CCDC13: variants seen among roughly 807,000 people sequenced by gnomAD.
CCDC13 encodes coiled-coil domain-containing protein 13.
Under a neutral mutation model 87.3 loss-of-function variants are expected in CCDC13, and 70 were observed. The ratio of observed to expected loss-of-function variants is 0.80; its 90% CI spans 0.66 to 0.98. CCDC13 has a LOEUF of 0.98. Ranked by LOEUF, CCDC13 falls within the 50% of genes least tolerant of loss-of-function variation. CCDC13 has a pLI of 0.00. For synonymous variants in CCDC13, 317 were observed against 360.3 expected, an observed-to-expected ratio of 0.88 and a Z score of 1.36; for missense variants, 842 against 892.0, an observed-to-expected ratio of 0.94 and a Z score of 0.71.
intron 1 of CCDC13, among the ~76,000 whole-genome samples, chr3:42,771,591 CA>C (rs1700110037): frequency 1.3e-5 from 2 of 151,996 alleles, no homozygotes; most frequent in Non-Finnish European, 2.9e-5. Context: ...CATAGCTTTA[CA>C]AAAAATAAAA....
At chr3:42,710,664 C>G (rs1042937781) in intron 14 of CCDC13, among the ~76,000 whole-genome samples, 7 of 152,140 alleles carry the variant, frequency 4.6e-5, no homozygotes, top group African/African-American at 1.4e-4. Context: ...GAAACCCTGT[C>G]TCTACTAAAA....
intron 7 of CCDC13, 77 bp from the exon 8 acceptor site, chr3:42,743,134 C>T (rs558997899): frequency 6.5e-7 from 1 of 1,543,870 alleles, no homozygotes; most frequent in Non-Finnish European, 8.8e-7. Context: ...ATAGGAGACC[C>T]CACAGACTGA....
chr3:42,743,689 G>A (rs1278459834), intron 7 of CCDC13, among the ~76,000 whole-genome samples: 4 of 148,592 alleles, frequency 2.7e-5, no homozygotes, highest in Non-Finnish European at 4.4e-5. Context: ...TGGTAGAGAC[G>A]GGGTTTCACC....
Position 42,733,584 on chromosome 3 carries a change from T to G in CCDC13, c.1397A>C (p.Glu466Ala), listed in dbSNP as rs1304941812. ...VHYLRNKGVGEGSSGREVSPA... is the reference protein window; with the variant it reads ...VHYLRNKGVGAGSSGREVSPA... Reference sequence around the variant, plus strand: ...GCTGACCTCGCGGCCACTGGACCCCTCACCCACTCCTTTATTCCGAAGATA... The same window carrying G: ...GCTGACCTCGCGGCCACTGGACCCCGCACCCACTCCTTTATTCCGAAGATA... The change falls in exon 11 of 16, where the codon GAG becomes GCG. Residue 466 changes from glutamate to alanine, a missense_variant. Transcript: ENST00000310232. 6.2e-7 allele frequency: 1 copy of G among 1,611,548 alleles called. No individual in the cohort carries two copies. The highest frequency in any genetic ancestry group is 2.2e-5 in the East Asian group (1 of 44,810).
chr3:42,716,561 C>T (rs1320207012), intron 13 of CCDC13, among the ~76,000 whole-genome samples: 1 of 152,096 alleles, frequency 6.6e-6, no homozygotes, highest in Non-Finnish European at 1.5e-5. Context: ...AGAAAATATA[C>T]AAATGTCCAA....
At chr3:42,735,217 C>T (rs544399681) in intron 10 of CCDC13, among the ~76,000 whole-genome samples, 18 of 152,236 alleles carry the variant, frequency 1.2e-4, no homozygotes, top group African/African-American at 3.4e-4. Flanking sequence ...TCACGCTGCG[C>T]GTAGCCCTGG....
Position 42,709,040 on chromosome 3 carries a change from C to A in CCDC13, c.2088G>T (p.Leu696=). 6.2e-7 allele frequency: 1 copy of A among 1,614,122 alleles called. No individual in the cohort carries two copies. Among genetic ancestry groups the A allele is most frequent in the Non-Finnish European group, 8.5e-7 (1 of 1,179,974 alleles). Residue 696 remains leucine (L), a synonymous_variant, in exon 16 of 16, where the codon CTG becomes CTT. Transcript: ENST00000310232. ...EEDFRMYHEI[L]GQVKSVFLQA... ...GCAGGAAGACACTTTTCACCTGGCCCAGGATCTCATGGTACATCCGGAAGT... is the reference window on the plus strand; with the variant it reads ...GCAGGAAGACACTTTTCACCTGGCCAAGGATCTCATGGTACATCCGGAAGT...
intron 6 of CCDC13, chr3:42,746,311 A>C (rs936178494): frequency 5.3e-6 from 2 of 375,150 alleles, no homozygotes; most frequent in South Asian, 6.9e-5. Context: ...ATATTCTGGG[A>C]TGACTGAACC....
chr3:42,709,346 G>A (rs1211781584), intron 15 of CCDC13, among the ~76,000 whole-genome samples: 2 of 152,170 alleles, frequency 1.3e-5, no homozygotes, highest in African/African-American at 4.8e-5. Context: ...GCTACCTCAA[G>A]GCCCCTTACA....
chr3:42,713,201 C>A lies in CCDC13; in HGVS notation c.1834G>T (p.Ala612Ser), dbSNP rs143078504. 1.9e-5 allele frequency: 31 copies of A among 1,614,060 alleles called. No individual in the cohort carries two copies. The highest frequency in any genetic ancestry group is 2.5e-5 in the Non-Finnish European group (30 of 1,180,012). Reference sequence around the variant, plus strand: ...GGAGCTGCTCTCTGGGAGGCTGATGCCTTCCCTGGCTCCAGGCGTATCTTC... The same window carrying A: ...GGAGCTGCTCTCTGGGAGGCTGATGACTTCCCTGGCTCCAGGCGTATCTTC... ...LEKIRLEPGK[A>S]SASQRAAPRT... The change falls in exon 14 of 16, where the codon GCA (alanine) becomes TCA (serine). Residue 612 changes from alanine (A) to serine (S), a missense_variant. By Grantham distance (99) the Ala-to-Ser change is moderately conservative. Transcript: ENST00000310232.
At chr3:42,738,530 T>C (rs1008950438) in intron 9 of CCDC13, among the ~76,000 whole-genome samples, 6 of 152,240 alleles carry the variant, frequency 3.9e-5, no homozygotes, top group African/African-American at 1.4e-4. Flanking sequence ...ATATTGACTC[T>C]TCCTACCCAT....
intron 9 of CCDC13, among the ~76,000 whole-genome samples, chr3:42,738,059 CT>C (rs1699086372): frequency 2.0e-5 from 3 of 152,206 alleles, no homozygotes; most frequent in Non-Finnish European, 4.4e-5. Context: ...ACATTTAAAT[CT>C]TTAATCCATC....
At chr3:42,711,061 C>T (rs1243198357) in intron 14 of CCDC13, among the ~76,000 whole-genome samples, 1 of 151,994 alleles carries the variant, frequency 6.6e-6, no homozygotes, top group African/African-American at 2.4e-5. Flanking sequence ...GCCCGGCCAA[C>T]ATGGTAAAAC....
intron 13 of CCDC13, among the ~76,000 whole-genome samples, chr3:42,724,685 A>G (rs895987859): frequency 6.6e-6 from 1 of 152,210 alleles, no homozygotes; most frequent in Admixed American, 6.5e-5. Flanking sequence ...TTTTTGCTTC[A>G]TAATTGATTT....
chr3:42,707,875 G>A lies in CCDC13; in HGVS notation c.*1105C>T, dbSNP rs1698212747. Among the ~76,000 whole-genome samples the A allele has an allele frequency of 6.6e-6, 1 of 152,202 alleles. No individual in the cohort carries two copies. Among genetic ancestry groups the A allele is most frequent in the African/African-American group, 2.4e-5 (1 of 41,448 alleles). On this transcript the variant is annotated 3_prime_UTR_variant, in exon 16 of 16. Transcript: ENST00000310232. ...TGTCGGAGTTGGGGTGTGTGGCTAT[G>A]AGTGACCCTCCTTGGGGCCACTCCT...
At chr3:42,768,515 G>A (rs1699978567) in intron 1 of CCDC13, among the ~76,000 whole-genome samples, 1 of 151,850 alleles carries the variant, frequency 6.6e-6, no homozygotes, top group South Asian at 2.1e-4. Context: ...TGGCCAACAT[G>A]GTGAAACCCT....
rs371464832 is a variant in CCDC13, at chr3:42,771,368, G to A, written c.-7+1808C>T. On this transcript the variant is annotated intron_variant, in intron 1 of 15. Coordinates refer to ENST00000310232, the MANE Select transcript of CCDC13 (RefSeq NM_144719.4). ...GAACAATGAACAGTAAAGCCTAGGGGGTTTTTGGGGAGGTGAAACTGTTCT... is the reference window on the plus strand; with the variant it reads ...GAACAATGAACAGTAAAGCCTAGGGAGTTTTTGGGGAGGTGAAACTGTTCT... Among the ~76,000 whole-genome samples, 13 of 152,132 alleles carry A rather than the reference G, an allele frequency of 8.5e-5. No homozygotes were observed. In the East Asian group the frequency reaches 9.6e-4, roughly 11 times the overall value.
chr3:42,723,476 C>G (rs753209236), intron 13 of CCDC13, among the ~76,000 whole-genome samples: 19 of 152,104 alleles, frequency 1.2e-4, no homozygotes, highest in Non-Finnish European at 2.6e-4. Context: ...TGCCCACGCT[C>G]AAGGGAAGAG....
chr3:42,709,502 C>T (rs554881850), intron 15 of CCDC13, among the ~76,000 whole-genome samples, 182 bp downstream of exon 15: 4 of 152,328 alleles, frequency 2.6e-5, no homozygotes, highest in East Asian at 1.9e-4. Context: ...GGGTTTGGGC[C>T]GGGCCCTCTG....
Sources: allele counts gnomAD v4.1 joint callset (sites outside exome capture counted in the v4.1 genomes callset), GRCh38; gene constraint gnomAD v4.1.1; transcripts MANE v1.5; gene names NCBI Gene and HGNC (gene_info 2026-07-23, HGNC 2026-07-21).